The following LITAF variants were observed in gnomAD, a reference collection of about 807,000 sequenced individuals.
The protein encoded by LITAF is lipopolysaccharide induced TNF factor.
In LITAF, 9 loss-of-function variants were observed where a neutral mutation model predicts 14.5. The observed-to-expected ratio is 0.62, with a 90% CI of 0.37 to 1.08. The LOEUF (loss-of-function observed/expected upper bound fraction) is 1.08. Among genes scored for constraint, LITAF ranks in the 50% least tolerant of loss-of-function variants. The probability of loss-of-function intolerance (pLI) is 0.01; values close to 1 mark genes in which losing one functional copy is unlikely to be tolerated. For missense variants in LITAF, 206 were observed against 213.4 expected (o/e 0.97, Z 0.22); for synonymous variants, 98 against 88.2 (o/e 1.11, Z -0.62).
intron 3 of LITAF, among the ~76,000 whole-genome samples, chr16:11,615,358 G>A (rs1401784580): frequency 3.9e-5 from 6 of 152,120 alleles, no homozygotes; most frequent in African/African-American, 9.7e-5. Context: ...TCAACATGGC[G>A]AAACCCCGTC....
rs910291955 is a variant in LITAF, at chr16:11,558,821, C to G, written c.-5-2086G>C. Among the ~76,000 whole-genome samples the G allele has an allele frequency of 6.6e-6, 1 of 152,130 alleles. No individual in the cohort carries two copies. Among genetic ancestry groups the G allele is most frequent in the South Asian group, 2.1e-4 (1 of 4,826 alleles). On this transcript the variant is annotated intron_variant, in intron 1 of 3. Coordinates refer to ENST00000622633, the MANE Select transcript of LITAF (RefSeq NM_001136472.2). This position sits in a 1 kb window ranked among gnomAD's most constrained non-coding sequence, Gnocchi z 4.1. ...GCATTCTAGAAAACTTTGAAAGTCCCTTGGAGAACACGTGTTCAAGACTTC... is the reference window on the plus strand; with the variant it reads ...GCATTCTAGAAAACTTTGAAAGTCCGTTGGAGAACACGTGTTCAAGACTTC...
chr16:11,547,902 T>C lies in LITAF; in HGVS notation c.*1735A>G. 2.2e-6 allele frequency: 1 copy of C among 454,056 alleles called. No individual in the cohort carries two copies. Among genetic ancestry groups the C allele is most frequent in the Non-Finnish European group, 4.4e-6 (1 of 226,782 alleles). The allele number at this position is 454,056 out of a possible 1,614,324, so 28.1% of individuals were successfully genotyped here. A position where few individuals can be genotyped will look rare whatever the true frequency, so the allele number is the denominator to read the frequency against. ...GTCTGAAGTTTTTAATCGGGAAGGA[T>C]TTTCTACCGTTACTGAACAAATAAA... On this transcript the variant is annotated 3_prime_UTR_variant, in exon 4 of 4. Transcript: ENST00000622633.
intron 1 of LITAF, among the ~76,000 whole-genome samples, chr16:11,565,641 C>G (rs1262622357): frequency 6.6e-6 from 1 of 152,002 alleles, no homozygotes; most frequent in Admixed American, 6.6e-5. Context: ...TAGCGCGACT[C>G]CCTGCTCCGG....
chr16:11,577,175 G>A (rs2064649851), intron 1 of LITAF, among the ~76,000 whole-genome samples: 1 of 152,200 alleles, frequency 6.6e-6, no homozygotes, highest in African/African-American at 2.4e-5. Context: ...GGGAAGGGAT[G>A]TGATCTATAT....
At position 11,583,463 on chromosome 16, in the gene LITAF, G is replaced by A. The variant is rs534493128; in HGVS notation, c.-6+3423C>T. On this transcript the variant is annotated intron_variant, in intron 1 of 3. Transcript: ENST00000622633. ...GGAGATCATTAATAAGACTGAGACT[G>A]CATTAGGATACAAAATTGTATGAAC... 2.0e-5 allele frequency among the ~76,000 whole-genome samples: 3 copies of A among 152,260 alleles called. No individual in the cohort carries two copies. The South Asian group carries it at 6.2e-4, about 32-fold the overall frequency.
Position 11,586,570 on chromosome 16 carries a change from C to A in LITAF, c.-6+316G>T, listed in dbSNP as rs1476187985. On this transcript the variant is annotated intron_variant, in intron 1 of 3. Transcript: ENST00000622633. The surrounding 1 kb of genome is among the most constrained non-coding windows in gnomAD (Gnocchi z 6.5). ...GTCCTCTCCGGGGAGGGGGACGCGG[C>A]GGGCCGCGAAGGGCGCTCGTTCGGG... is the stretch of plus-strand genomic sequence containing the variant. 6.6e-6 allele frequency among the ~76,000 whole-genome samples: 1 copy of A among 151,992 alleles called. No individual in the cohort carries two copies. The highest frequency in any genetic ancestry group is 1.5e-5 in the Non-Finnish European group (1 of 67,918).
upstream of LITAF, among the ~76,000 whole-genome samples, chr16:11,637,663 C>T (rs547487373): frequency 1.1e-4 from 17 of 152,110 alleles, no homozygotes; most frequent in Non-Finnish European, 1.6e-4. Flanking sequence ...GGGAGGATCA[C>T]TTGAGCCCAG....
intron 1 of LITAF, among the ~76,000 whole-genome samples, chr16:11,575,901 A>G (rs968043807): frequency 6.6e-6 from 1 of 152,104 alleles, no homozygotes; most frequent in African/African-American, 2.4e-5. Flanking sequence ...TTGTTTTACA[A>G]TCGGGGTCTC....
intron 3 of LITAF, among the ~76,000 whole-genome samples, chr16:11,608,404 C>T (rs887101229): frequency 1.3e-5 from 2 of 152,124 alleles, no homozygotes; most frequent in African/African-American, 2.4e-5. Flanking sequence ...CCAGCATGAG[C>T]AAAAGCCCGT....
chr16:11,563,958 G>A (rs964235895), intron 1 of LITAF, among the ~76,000 whole-genome samples: 1 of 152,054 alleles, frequency 6.6e-6, no homozygotes, highest in African/African-American at 2.4e-5. Context: ...CCAGGCTGGA[G>A]TGTAGTGGCA....
chr16:11,626,942 A>G (rs1051066154), intron 3 of LITAF, among the ~76,000 whole-genome samples: 1 of 151,978 alleles, frequency 6.6e-6, no homozygotes, highest in East Asian at 1.9e-4. Flanking sequence ...TCCCGGGCTC[A>G]GGTGATCCTC....
chr16:11,615,476 G>T (rs913147689), intron 3 of LITAF, among the ~76,000 whole-genome samples: 11 of 152,120 alleles, frequency 7.2e-5, no homozygotes, highest in African/African-American at 2.7e-4. Flanking sequence ...GGTGGAGGTT[G>T]CGGTGAGCCG....
Position 11,632,368 on chromosome 16 carries a change from C to T in LITAF, c.85+1165G>A, listed in dbSNP as rs1392993111. Among the ~76,000 whole-genome samples the T allele has an allele frequency of 6.6e-6, 1 of 152,006 alleles. No individual in the cohort carries two copies. Among genetic ancestry groups the T allele is most frequent in the Non-Finnish European group, 1.5e-5 (1 of 67,990 alleles). ...AACCCTGGAGAGAAGGTGAAGGAGG[C>T]ACCGAGATGACAGAGACAGGGAGAG... On this transcript the variant is annotated intron_variant, in intron 3 of 3. Transcript: ENST00000574848. The surrounding 1 kb of genome is among the most constrained non-coding windows in gnomAD (Gnocchi z 4.8).
exon 1 of LITAF, chr16:11,598,419 T>G (rs770327913): frequency 6.6e-6 from 1 of 152,104 alleles, no homozygotes; most frequent in Non-Finnish European, 1.5e-5. Context: ...TTTCCCGAAA[T>G]TTGAACCTCC....
intron 1 of LITAF, among the ~76,000 whole-genome samples, chr16:11,597,245 T>C (rs1373312046): frequency 6.6e-6 from 1 of 152,128 alleles, no homozygotes; most frequent in Middle Eastern, 3.2e-3. Context: ...TTTGGGGTCA[T>C]CTACTGGCAC....
chr16:11,638,591 C>T (rs1468080533), upstream of LITAF, among the ~76,000 whole-genome samples: 1 of 151,538 alleles, frequency 6.6e-6, no homozygotes, highest in Non-Finnish European at 1.5e-5. Context: ...ATTCCAGCTA[C>T]TCAGGAGGCT....
At chr16:11,576,556 G>GACAA (rs34555711) in intron 1 of LITAF, among the ~76,000 whole-genome samples, 1 of 62,246 alleles carries the variant, frequency 1.6e-5, no homozygotes, top group African/African-American at 5.5e-5. Context: ...AAAAAAAAAA[G>GACAA]AGAGAGAGAA....
chr16:11,610,196 C>A (rs939386290), intron 3 of LITAF, among the ~76,000 whole-genome samples: 1 of 152,236 alleles, frequency 6.6e-6, no homozygotes, highest in African/African-American at 2.4e-5. Context: ...CTCCTCCGCA[C>A]ACAATGGCCC....
chr16:11,558,879 T>C lies in LITAF; in HGVS notation c.-5-2144A>G, dbSNP rs776874468. Among the ~76,000 whole-genome samples, 2 of 152,192 alleles carry C rather than the reference T, an allele frequency of 1.3e-5. No individual in the cohort carries two copies. The highest frequency in any genetic ancestry group is 2.9e-5 in the Non-Finnish European group (2 of 68,050). ...CAGAGTGCTGTCCAACAGAATCTTC[T>C]GTGAGGATGGAAATGCTCTGTATCT... On this transcript the variant is annotated intron_variant, in intron 1 of 3. Coordinates refer to ENST00000622633, the MANE Select transcript of LITAF (RefSeq NM_001136472.2). This position sits in a 1 kb window ranked among gnomAD's most constrained non-coding sequence, Gnocchi z 4.1.
Sources: allele counts gnomAD v4.1 joint callset (sites outside exome capture counted in the v4.1 genomes callset), GRCh38; gene constraint gnomAD v4.1.1; non-coding constraint Gnocchi (gnomAD v3.1); transcripts MANE v1.5; gene names NCBI Gene and HGNC (gene_info 2026-07-23, HGNC 2026-07-21).